The following APBA1 variants were observed in gnomAD, a reference collection of about 807,000 sequenced individuals.
APBA1 encodes the protein amyloid-beta A4 precursor protein-binding family A member 1.
In APBA1, 55 loss-of-function variants were observed where a neutral mutation model predicts 86.6. The observed-to-expected ratio is 0.64, with a 90% CI of 0.51 to 0.80. The LOEUF is 0.80. APBA1 is among the 30% of genes least tolerant of loss of function. The pLI is 0.00. For synonymous variants in APBA1, 511 were observed against 493.9 expected (o/e 1.03, Z -0.46); for missense variants, 1,090 against 1,183.0 (o/e 0.92, Z 1.15).
chr9:69,513,602 C>A (rs1445805188), intron 2 of APBA1, among the ~76,000 whole-genome samples: 1 of 152,216 alleles, frequency 6.6e-6, no homozygotes, highest in South Asian at 2.1e-4. Context: ...GAATTCTACA[C>A]GTGAGTGCAC....
intron 8 of APBA1, among the ~76,000 whole-genome samples, chr9:69,455,796 G>C (rs1365844672): frequency 1.3e-5 from 2 of 152,130 alleles, no homozygotes; most frequent in Admixed American, 1.3e-4. Context: ...TCCCAAAGTC[G>C]CTAATAGCTT....
chr9:69,579,320 C>T (rs1821868937), intron 1 of APBA1, among the ~76,000 whole-genome samples: 1 of 152,116 alleles, frequency 6.6e-6, no homozygotes, highest in African/African-American at 2.4e-5. Context: ...AATCCCCGAG[C>T]AAGATGGGGT....
Position 69,647,106 on chromosome 9 carries a change from A to G in APBA1, c.-70+25047T>C, listed in dbSNP as rs116647593. On this transcript the variant is annotated intron_variant, in intron 1 of 12. Transcript: ENST00000265381. ...CTCCCTACCAGGATTCAGTGCCTTA[A>G]TAACAGCAATATAAAACCTCGATTA... 4.0e-3 allele frequency among the ~76,000 whole-genome samples: 607 copies of G among 152,332 alleles called. 4 individuals are homozygous for G. Among genetic ancestry groups the G allele is most frequent in the Middle Eastern group, 0.01 (3 of 294 alleles).
At chr9:69,512,319 C>G (rs915472073) in intron 2 of APBA1, among the ~76,000 whole-genome samples, 11 of 152,070 alleles carry the variant, frequency 7.2e-5, no homozygotes, top group African/African-American at 1.9e-4. Flanking sequence ...CCCATTTTCT[C>G]TCTATATACA....
intron 1 of APBA1, among the ~76,000 whole-genome samples, chr9:69,619,731 G>C (rs904180801): frequency 6.6e-6 from 1 of 152,174 alleles, no homozygotes; most frequent in East Asian, 1.9e-4. Context: ...GAGAAAGTTT[G>C]AGCATAACAC....
chr9:69,589,078 C>T (rs1822077495), intron 1 of APBA1, among the ~76,000 whole-genome samples: 1 of 152,146 alleles, frequency 6.6e-6, no homozygotes, highest in African/African-American at 2.4e-5. Context: ...CCTCAGCCTC[C>T]TGAGTAGCTG....
chr9:69,645,212 C>T (rs1254273919), intron 1 of APBA1, among the ~76,000 whole-genome samples: 3 of 152,136 alleles, frequency 2.0e-5, no homozygotes, highest in Non-Finnish European at 4.4e-5. Context: ...TTTATTACCT[C>T]CAAAGCATTT....
At chr9:69,471,144 T>C (rs967500855) in intron 4 of APBA1, among the ~76,000 whole-genome samples, 1 of 152,060 alleles carries the variant, frequency 6.6e-6, no homozygotes, top group Non-Finnish European at 1.5e-5. Context: ...GAGGATTCAA[T>C]TAGTTATTAC....
intron 1 of APBA1, among the ~76,000 whole-genome samples, chr9:69,525,962 C>T (rs564301171): frequency 4.6e-5 from 7 of 152,116 alleles, no homozygotes; most frequent in African/African-American, 9.6e-5. Flanking sequence ...AAATAAGCGA[C>T]GGGGAAAGGA....
chr9:69,635,695 T>C (rs1823143185), intron 1 of APBA1, among the ~76,000 whole-genome samples: 1 of 152,080 alleles, frequency 6.6e-6, no homozygotes, highest in South Asian at 2.1e-4. Flanking sequence ...CAGGAGTAGC[T>C]ATACTTACAT....
chr9:69,650,681 T>C (rs543969688), intron 1 of APBA1, among the ~76,000 whole-genome samples: 2 of 152,312 alleles, frequency 1.3e-5, no homozygotes, highest in African/African-American at 4.8e-5. Context: ...TTCCCTTTGA[T>C]AGATAAAGTA....
At chr9:69,658,304 CTCTT>C (rs202185776) in intron 1 of APBA1, among the ~76,000 whole-genome samples, 871 of 79,906 alleles carry the variant, frequency 0.011, 14 homozygotes, top group Middle Eastern at 0.022. Context: ...TTCTCTCTCT[CTCTT>C]TCTTTCTTTC....
intron 1 of APBA1, among the ~76,000 whole-genome samples, chr9:69,561,016 A>G (rs1451202032): frequency 6.6e-6 from 1 of 152,248 alleles, no homozygotes; most frequent in Non-Finnish European, 1.5e-5. Flanking sequence ...CTGAATAATA[A>G]CTAAATATGA....
chr9:69,516,304 G>A lies in APBA1; in HGVS notation c.907C>T (p.Pro303Ser), dbSNP rs780657313. 4.8e-5 allele frequency: 76 copies of A among 1,569,522 alleles called. No individual in the cohort carries two copies. Among genetic ancestry groups the A allele is most frequent in the Non-Finnish European group, 6.3e-5 (73 of 1,164,478 alleles). Residue 303 changes from proline to serine, a missense_variant, in exon 2 of 13, where the codon CCC becomes TCC. By Grantham distance (74) the Pro-to-Ser change is moderately conservative. Around this residue, in one of 6 missense-constraint regions of APBA1, gnomAD observed 678 missense variants for 647.1 expected, o/e 1.05. Transcript: ENST00000265381. This position sits in a 1 kb window ranked among gnomAD's most constrained non-coding sequence, Gnocchi z 7.3. ...GGGCGACCCCCGGCCGGGGTAGGGG[G>A]ACGCTCCAGGTCCTGCTCGGCCTCA... ...MPEAEQDLER[P>S]PTPAGGRPDS...
intron 1 of APBA1, among the ~76,000 whole-genome samples, chr9:69,630,989 A>C (rs1446106853): frequency 6.6e-6 from 1 of 152,172 alleles, no homozygotes; most frequent in South Asian, 2.1e-4. Context: ...AGCAAGACAC[A>C]TATCTCCAGG....
intron 1 of APBA1, among the ~76,000 whole-genome samples, chr9:69,650,478 G>A (rs553274119): frequency 7.2e-5 from 11 of 152,260 alleles, no homozygotes; most frequent in Middle Eastern, 3.4e-3. Flanking sequence ...TGTTATACAC[G>A]AAACTATTTT....
At chr9:69,517,913 G>A (rs1836194179) in intron 1 of APBA1, among the ~76,000 whole-genome samples, 1 of 152,088 alleles carries the variant, frequency 6.6e-6, no homozygotes, top group Non-Finnish European at 1.5e-5. Flanking sequence ...CGGTGGTCAA[G>A]TAAGTTTGGA....
chr9:69,490,033 T>C (rs1262289112), intron 2 of APBA1, among the ~76,000 whole-genome samples: 1 of 152,102 alleles, frequency 6.6e-6, no homozygotes, highest in Non-Finnish European at 1.5e-5. Flanking sequence ...CACGTATGTT[T>C]ATTGCAGCAC....
At position 69,516,719 on chromosome 9, in the gene APBA1, G is replaced by A. The variant is rs375029164; in HGVS notation, c.492C>T (p.Ala164=). Residue 164 remains alanine (A), a synonymous_variant, in exon 2 of 13, where the codon GCC becomes GCT. Coordinates refer to ENST00000265381, the MANE Select transcript of APBA1 (RefSeq NM_001163.4). The surrounding 1 kb of genome is among the most constrained non-coding windows in gnomAD (Gnocchi z 7.3). ...GGTGCGTGTAGACGTAGCCTGAGTAGGCCGCATTCATGGCTTCCTCGTGCT... is the reference window on the plus strand; with the variant it reads ...GGTGCGTGTAGACGTAGCCTGAGTAAGCCGCATTCATGGCTTCCTCGTGCT... ...SLEHEEAMNA[A]YSGYVYTHRL... is the part of the protein sequence containing the mutation. 1.2e-6 allele frequency: 2 copies of A among 1,611,662 alleles called. No homozygotes were observed. Among genetic ancestry groups the A allele is most frequent in the Non-Finnish European group, 1.7e-6 (2 of 1,179,324 alleles).
Sources: gnomAD v4.1 joint callset for allele counts (sites outside exome capture counted in the v4.1 genomes callset) on GRCh38, gnomAD v4.1.1 for gene constraint, gnomAD v4.1.1 regional missense constraint, Gnocchi (gnomAD v3.1) non-coding constraint, MANE v1.5 for transcripts, NCBI Gene and HGNC (gene_info 2026-07-23, HGNC 2026-07-21) for gene names.